The following RALGPS1 variants were observed in gnomAD, a reference collection of about 807,000 sequenced individuals.
RALGPS1 encodes the protein Ral GEF with PH domain and SH3 binding motif 1.
In RALGPS1, 19 loss-of-function variants were observed where a neutral mutation model predicts 78.8. The observed-to-expected ratio is 0.24, with a 90% confidence interval of 0.17 to 0.35. RALGPS1 has a LOEUF of 0.35. Ranked by LOEUF, RALGPS1 falls within the 10% of genes least tolerant of loss-of-function variation. RALGPS1 has a pLI of 1.00. For missense variants in RALGPS1, 454 were observed against 688.3 expected, an observed-to-expected ratio of 0.66 and a Z score of 3.81; for synonymous variants, 228 against 256.3, an observed-to-expected ratio of 0.89 and a Z score of 1.06.
At chr9:127,030,426 C>T (rs1444927195) in intron 4 of RALGPS1, among the ~76,000 whole-genome samples, 1 of 152,110 alleles carries the variant, frequency 6.6e-6, no homozygotes, top group Non-Finnish European at 1.5e-5. Flanking sequence ...TGTGCAAAGG[C>T]AAGGCAGAGG....
chr9:127,106,501 G>T (rs1279318983), intron 8 of RALGPS1, among the ~76,000 whole-genome samples: 1 of 152,164 alleles, frequency 6.6e-6, no homozygotes, highest in Non-Finnish European at 1.5e-5. Context: ...AAAGTGACAG[G>T]CACTATTTTA....
At chr9:127,065,838 T>C (rs2049640584) in intron 7 of RALGPS1, among the ~76,000 whole-genome samples, 1 of 152,214 alleles carries the variant, frequency 6.6e-6, no homozygotes, top group South Asian at 2.1e-4. Flanking sequence ...AATTCCTGGC[T>C]TATTCCTGCA....
intron 14 of RALGPS1, chr9:127,210,842 C>T: frequency 7.2e-7 from 1 of 1,380,918 alleles, no homozygotes; most frequent in Admixed American, 2.0e-5. Context: ...TTTTGGATGC[C>T]AAGCACTGTG....
Position 126,982,864 on chromosome 9 carries a change from C to A in RALGPS1, c.216+5119C>A, listed in dbSNP as rs113372860. Among the ~76,000 whole-genome samples the A allele has an allele frequency of 8.3e-3, 1,209 of 146,474 alleles. 15 individuals are homozygous for A. The highest frequency in any genetic ancestry group is 0.029 in the African/African-American group (1,139 of 39,710). On this transcript the variant is annotated intron_variant, in intron 4 of 18. Transcript: ENST00000259351. ...TCCTTCTTTCTTCCTCCTCCTTCTT[C>A]TTCTTCTTCCTCTTCCCCTTCCCCT...
chr9:127,194,505 C>G (rs966769478), intron 11 of RALGPS1, among the ~76,000 whole-genome samples: 1 of 152,190 alleles, frequency 6.6e-6, no homozygotes, highest in Non-Finnish European at 1.5e-5. Flanking sequence ...TTCCACCTCC[C>G]GGGTTCAAGC....
chr9:127,070,335 T>A (rs2050085480), intron 8 of RALGPS1, among the ~76,000 whole-genome samples: 1 of 152,228 alleles, frequency 6.6e-6, no homozygotes, highest in Non-Finnish European at 1.5e-5. Context: ...TTTAAGGTAT[T>A]TCTACATTTT....
chr9:127,113,787 G>A (rs2055110052), intron 8 of RALGPS1, among the ~76,000 whole-genome samples: 1 of 152,232 alleles, frequency 6.6e-6, no homozygotes, highest in African/African-American at 2.4e-5. Context: ...TCCAGGGCTT[G>A]GGTCCCACCC....
intron 4 of RALGPS1, among the ~76,000 whole-genome samples, chr9:127,011,717 G>A (rs963569371): frequency 2.0e-5 from 3 of 152,120 alleles, no homozygotes; most frequent in Admixed American, 2.0e-4. Flanking sequence ...TACTTTTATA[G>A]GACCATAGGA....
At chr9:127,092,220 A>G (rs1386375744) in intron 8 of RALGPS1, among the ~76,000 whole-genome samples, 1 of 152,214 alleles carries the variant, frequency 6.6e-6, no homozygotes, top group Non-Finnish European at 1.5e-5. Flanking sequence ...GGCTTGCTGC[A>G]GGAACACGTG....
At chr9:126,977,624 T>A (rs2040797653) in intron 3 of RALGPS1, 71 bp from the exon 4 acceptor site, 3 of 1,096,128 alleles carry the variant, frequency 2.7e-6, no homozygotes, top group Non-Finnish European at 4.0e-6. Context: ...TGTATATGAC[T>A]CTGTATAAAG....
chr9:127,117,744 T>C lies in RALGPS1; in HGVS notation c.611-48325T>C, dbSNP rs1019737549. 5.9e-5 allele frequency among the ~76,000 whole-genome samples: 9 copies of C among 152,376 alleles called. No individual in the cohort carries two copies. The East Asian group carries it at 1.7e-3, about 29-fold the overall frequency. Reference sequence around the variant, plus strand: ...CACAGATATCTTTTCTACCTGGCCCTGAGTGGGTATTAGAGATTCGGCAGT... The same window carrying C: ...CACAGATATCTTTTCTACCTGGCCCCGAGTGGGTATTAGAGATTCGGCAGT... On this transcript the variant is annotated intron_variant, in intron 8 of 18. Transcript: ENST00000259351.
chr9:127,167,180 C>T (rs2059336426), intron 9 of RALGPS1, among the ~76,000 whole-genome samples: 1 of 152,178 alleles, frequency 6.6e-6, no homozygotes, highest in African/African-American at 2.4e-5. Context: ...AAATCCACAG[C>T]CTCCGTTTGG....
intron 8 of RALGPS1, among the ~76,000 whole-genome samples, chr9:127,073,011 A>G (rs1401459961): frequency 1.3e-5 from 2 of 152,240 alleles, no homozygotes; most frequent in Non-Finnish European, 2.9e-5. Flanking sequence ...TTACATTCAT[A>G]GAATGTATAA....
rs72766214 is a variant in RALGPS1, at chr9:127,200,623, C to T, written c.1247+1557C>T. On this transcript the variant is annotated intron_variant, in intron 14 of 18. Coordinates refer to ENST00000259351, the MANE Select transcript of RALGPS1 (RefSeq NM_014636.3). Reference sequence around the variant, plus strand: ...GGTGGGGGAGTGGCGATATGCCAGCCCTCAGAGGCTCTCTCTTTCCCCTCC... The same window carrying T: ...GGTGGGGGAGTGGCGATATGCCAGCTCTCAGAGGCTCTCTCTTTCCCCTCC... 8.8e-3 allele frequency among the ~76,000 whole-genome samples: 1,345 copies of T among 152,330 alleles called. 10 individuals are homozygous for T. Among genetic ancestry groups the T allele is most frequent in the Non-Finnish European group, 0.014 (940 of 68,024 alleles).
intron 8 of RALGPS1, among the ~76,000 whole-genome samples, chr9:127,148,830 C>T (rs531703132): frequency 6.5e-4 from 99 of 152,310 alleles, no homozygotes; most frequent in Non-Finnish European, 1.2e-3. Flanking sequence ...CATGCTTTTT[C>T]AGCCCTCGCT....
chr9:127,037,380 C>G (rs1429165997), intron 5 of RALGPS1, among the ~76,000 whole-genome samples: 1 of 152,230 alleles, frequency 6.6e-6, no homozygotes, highest in African/African-American at 2.4e-5. Context: ...CTCTTTGGGT[C>G]TCAGGACCTT....
Position 127,091,602 on chromosome 9 carries a change from CAG to C in RALGPS1, c.610+22247_610+22248del. ...TCTTCCCGTTTCCAAGCCCTGGAGT[CAG>C]GGGCTCTGGCTCTGGTTGACCTCTT... On this transcript the variant is annotated intron_variant, in intron 8 of 18. Coordinates refer to ENST00000259351, the MANE Select transcript of RALGPS1 (RefSeq NM_014636.3). This position sits in a 1 kb window ranked among gnomAD's most constrained non-coding sequence, Gnocchi z 4.3. 2 of 1,557,698 alleles carry C rather than the reference CAG, an allele frequency of 1.3e-6. No homozygotes were observed. The highest frequency in any genetic ancestry group is 1.7e-6 in the Non-Finnish European group (2 of 1,151,526).
rs772741562 is a variant in RALGPS1, at chr9:127,069,270, A to C, written c.524A>C (p.Asp175Ala). The change falls in exon 8 of 19, where the codon GAC becomes GCC. Residue 175 changes from aspartate (D) to alanine (A), a missense_variant. Physicochemically the swap from Asp to Ala is moderately radical, Grantham distance 126. Coordinates refer to ENST00000259351, the MANE Select transcript of RALGPS1 (RefSeq NM_014636.3). ...RKDKTTFEKL[D>A]YLMSKEDNYK... Reference sequence around the variant, plus strand: ...GACAAGACTACCTTTGAGAAATTGGACTACCTGATGTCGAAAGAAGATAAT... The same window carrying C: ...GACAAGACTACCTTTGAGAAATTGGCCTACCTGATGTCGAAAGAAGATAAT... The C allele has an allele frequency of 3.1e-6, 5 of 1,612,414 alleles. No individual in the cohort carries two copies. Among genetic ancestry groups the C allele is most frequent in the Non-Finnish European group, 4.2e-6 (5 of 1,178,468 alleles).
chr9:126,937,138 C>T (rs933974776), intron 1 of RALGPS1, among the ~76,000 whole-genome samples: 13 of 152,068 alleles, frequency 8.5e-5, no homozygotes, highest in African/African-American at 1.4e-4. Context: ...GCATGAGCCA[C>T]GGCTGGAACA....
Sources: gnomAD v4.1 joint callset for allele counts (sites outside exome capture counted in the v4.1 genomes callset) on GRCh38, gnomAD v4.1.1 for gene constraint, Gnocchi (gnomAD v3.1) non-coding constraint, MANE v1.5 for transcripts, NCBI Gene and HGNC (gene_info 2026-07-23, HGNC 2026-07-21) for gene names.